The following RGL1 variants were observed in gnomAD, a reference collection of about 807,000 sequenced individuals.
RGL1 encodes ral guanine nucleotide dissociation stimulator like 1.
A neutral mutation model predicts 95.2 loss-of-function variants in RGL1; 24 were observed. That is an observed-to-expected ratio of 0.25 (90% confidence interval 0.18 to 0.35). The LOEUF (loss-of-function observed/expected upper bound fraction) is 0.35, where lower values mean the gene tolerates loss of function less well. Among genes scored for constraint, RGL1 ranks in the 10% least tolerant of loss-of-function variants. The pLI, the probability that RGL1 is intolerant of heterozygous loss-of-function variation, is 1.00. For missense variants in RGL1, 715 were observed against 936.3 expected, an observed-to-expected ratio of 0.76 and a Z score of 3.08; for synonymous variants, 329 against 344.9, an observed-to-expected ratio of 0.95 and a Z score of 0.51.
At chr1:183,813,589 A>G (rs1661871547) in intron 2 of RGL1, among the ~76,000 whole-genome samples, 1 of 152,218 alleles carries the variant, frequency 6.6e-6, no homozygotes, top group Non-Finnish European at 1.5e-5. Context: ...GAGAGAGAAT[A>G]AATATGGAAC....
At chr1:183,711,134 T>C (rs1278600699) in intron 1 of RGL1, among the ~76,000 whole-genome samples, 1 of 152,154 alleles carries the variant, frequency 6.6e-6, no homozygotes, top group African/African-American at 2.4e-5. Context: ...ACACGATGTC[T>C]CAAGGCTGGG....
rs143787133 is a variant in RGL1, at chr1:183,883,869, T to G, written c.694T>G (p.Ser232Ala). ...GGESAEFTCF[S>A]EDLVAEQLTY... ...AGAGTCAGCAGAATTCACGTGCTTC[T>G]CAGAAGATCTCGTGGCAGAGCAGCT... The change falls in exon 6 of 18, where the codon TCA becomes GCA. Residue 232 changes from serine to alanine, a missense_variant. Physicochemically the swap from Ser to Ala is moderately conservative, Grantham distance 99 (BLOSUM62 1). This residue lies in a region of RGL1 where 381 missense variants were observed against 484.8 expected (regional missense o/e 0.79). Coordinates refer to ENST00000360851, the MANE Select transcript of RGL1 (RefSeq NM_001297671.3). 6.2e-7 allele frequency: 1 copy of G among 1,614,114 alleles called. No homozygotes were observed. Among genetic ancestry groups the G allele is most frequent in the Non-Finnish European group, 8.5e-7 (1 of 1,179,938 alleles).
intron 1 of RGL1, among the ~76,000 whole-genome samples, chr1:183,685,148 C>CA (rs1653491015): frequency 6.6e-6 from 1 of 150,454 alleles, no homozygotes; most frequent in African/African-American, 2.5e-5. Context: ...ACAGAACATT[C>CA]TACATTGGCT....
intron 3 of RGL1, among the ~76,000 whole-genome samples, chr1:183,863,317 C>G (rs1665627312): frequency 1.3e-5 from 2 of 151,812 alleles, no homozygotes; most frequent in Non-Finnish European, 1.5e-5. Flanking sequence ...TCTTCTTCTT[C>G]TTCCTTTTTT....
chr1:183,688,031 G>A (rs1480874166), intron 1 of RGL1, among the ~76,000 whole-genome samples: 1 of 152,126 alleles, frequency 6.6e-6, no homozygotes, highest in Non-Finnish European at 1.5e-5. Flanking sequence ...GACCTTGGAT[G>A]TCTTGCTTCT....
At chr1:183,698,375 G>T (rs79799624) in intron 1 of RGL1, among the ~76,000 whole-genome samples, 1,876 of 152,266 alleles carry the variant, frequency 0.012, 47 homozygotes, top group African/African-American at 0.043. Context: ...CCTTTGTAAA[G>T]AATTTCCTGC....
intron 9 of RGL1, 131 bp downstream of exon 9, chr1:183,892,292 A>G (rs192357379): frequency 2.4e-5 from 15 of 617,050 alleles, no homozygotes; most frequent in African/African-American, 3.7e-5. Context: ...AAGGCAAAAA[A>G]TTTTTTTAAA....
At chr1:183,665,357 A>G in intron 1 of RGL1, among the ~76,000 whole-genome samples, 1 of 147,048 alleles carries the variant, frequency 6.8e-6, no homozygotes, top group Non-Finnish European at 1.5e-5. Flanking sequence ...GTTTTCTTGT[A>G]ATGTCTTTGT....
intron 1 of RGL1, among the ~76,000 whole-genome samples, chr1:183,676,822 C>T (rs1029770330): frequency 6.7e-6 from 1 of 149,740 alleles, no homozygotes; most frequent in South Asian, 2.1e-4. Flanking sequence ...AGTTACTTCT[C>T]TATGCCTCAA....
rs753486414 is a variant in RGL1, at chr1:183,806,379, C to T, written c.32C>T (p.Ser11Leu). 9.3e-6 allele frequency: 15 copies of T among 1,612,582 alleles called. No individual in the cohort carries two copies. Among genetic ancestry groups the T allele is most frequent in the Non-Finnish European group, 1.3e-5 (15 of 1,178,994 alleles). ...TCTTTATCCCGTCCCTGGCAGAGCT[C>T]GATTCAGGACTGGGGTGAAGAGGTA... MKLLWQAKMS[S>L]IQDWGEEVEE... The change falls in exon 2 of 18, where the codon TCG becomes TTG. Residue 11 changes from serine to leucine, a missense_variant. Around this residue, in one of 3 missense-constraint regions of RGL1, gnomAD observed 381 missense variants for 484.8 expected, o/e 0.79. Coordinates refer to ENST00000360851, the MANE Select transcript of RGL1 (RefSeq NM_001297671.3).
chr1:183,881,621 A>T (rs1666831708), intron 5 of RGL1, among the ~76,000 whole-genome samples: 1 of 152,212 alleles, frequency 6.6e-6, no homozygotes. Context: ...CCCTGAAGGG[A>T]TGCCTGACTT....
intron 1 of RGL1, among the ~76,000 whole-genome samples, chr1:183,660,649 C>T (rs1326827792): frequency 5.3e-5 from 8 of 151,286 alleles, no homozygotes; most frequent in African/African-American, 7.4e-5. Flanking sequence ...GACAGATCAA[C>T]GAGACAGAAA....
chr1:183,656,935 G>C lies in RGL1; in HGVS notation c.-33+20434G>C, dbSNP rs555168315. Among the ~76,000 whole-genome samples the C allele has an allele frequency of 3.5e-5, 5 of 143,436 alleles. No individual in the cohort carries two copies. In the South Asian group the frequency reaches 1.1e-3, roughly 32 times the overall value. The allele number at this position is 143,436 out of a possible 152,430, so 94.1% of individuals were successfully genotyped here. On this transcript the variant is annotated intron_variant, in intron 1 of 18. Transcript: ENST00000304685. ...TTATGCTCTAGCCAAACTACCCAATGTTTGCTTTACATTCTTTCCCCACAA... is the reference window on the plus strand; with the variant it reads ...TTATGCTCTAGCCAAACTACCCAATCTTTGCTTTACATTCTTTCCCCACAA...
chr1:183,786,320 T>G (rs915531919), intron 2 of RGL1, among the ~76,000 whole-genome samples: 16 of 152,254 alleles, frequency 1.1e-4, no homozygotes, highest in African/African-American at 3.9e-4. Flanking sequence ...GGGAAGGTCT[T>G]TTGAGTCCAG....
At chr1:183,699,442 T>A (rs114640380) in intron 1 of RGL1, among the ~76,000 whole-genome samples, 138 of 152,324 alleles carry the variant, frequency 9.1e-4, no homozygotes, top group African/African-American at 3.2e-3. Context: ...AGAGAGCCCA[T>A]CTTTCTGTAT....
At chr1:183,778,582 G>A (rs543513505) in intron 2 of RGL1, among the ~76,000 whole-genome samples, 1 of 152,240 alleles carries the variant, frequency 6.6e-6, no homozygotes, top group South Asian at 2.1e-4. Flanking sequence ...AGAAACTGTG[G>A]GGAGGCTTGA....
At position 183,884,038 on chromosome 1, in the gene RGL1, G is replaced by A. The variant is rs146597002; in HGVS notation, c.735+128G>A. The A allele has an allele frequency of 1.2e-3, 1,117 of 939,732 alleles. 9 individuals carry two copies. In the African/African-American group the frequency reaches 0.016, roughly 14 times the overall value. 58.2% of individuals were successfully genotyped at this position (939,732 alleles called of 1,614,324 possible). A position where few individuals can be genotyped will look rare whatever the true frequency, so the allele number is the denominator to read the frequency against. ...TTCTTGAATCCTTGAGACAGGCTGCGCCTGCAGATACAGAGTTAAGATGTG... is the reference window on the plus strand; with the variant it reads ...TTCTTGAATCCTTGAGACAGGCTGCACCTGCAGATACAGAGTTAAGATGTG... On this transcript the variant is annotated intron_variant, in intron 6 of 17. Transcript: ENST00000360851.
At chr1:183,651,109 T>G (rs1287820917) in intron 1 of RGL1, among the ~76,000 whole-genome samples, 1 of 152,186 alleles carries the variant, frequency 6.6e-6, no homozygotes, top group African/African-American at 2.4e-5. Context: ...TTGCACCAAA[T>G]TTTACATTTT....
In RGL1 at chr1:183,651,715, A is replaced by G. The variant is rs540455692; in HGVS notation, c.-33+15214A>G. Among the ~76,000 whole-genome samples the G allele has an allele frequency of 2.6e-5, 4 of 152,312 alleles. No homozygotes were observed. In the South Asian group the frequency reaches 8.3e-4, roughly 32 times the overall value. ...TTAGCTTTGTTTTTTCCTTAGTACTATATTTTCCTGATGTAACTGAATTCC... is the reference window on the plus strand; with the variant it reads ...TTAGCTTTGTTTTTTCCTTAGTACTGTATTTTCCTGATGTAACTGAATTCC... On this transcript the variant is annotated intron_variant, in intron 1 of 18. Coordinates refer to the RGL1 transcript ENST00000304685.
Sources: allele counts gnomAD v4.1 joint callset (sites outside exome capture counted in the v4.1 genomes callset), GRCh38; gene constraint gnomAD v4.1.1; regional missense constraint gnomAD v4.1.1; transcripts MANE v1.5; gene names NCBI Gene and HGNC (gene_info 2026-07-23, HGNC 2026-07-21).